Variants in ECI2 observed in about 807,000 individuals in gnomAD.
ECI2 encodes D3,D2-enoyl-CoA isomerase.
In ECI2, 27 loss-of-function variants were observed where a neutral mutation model predicts 38.4. The ratio of observed to expected loss-of-function variants is 0.70; its 90% CI spans 0.52 to 0.97. ECI2 has a LOEUF of 0.97. Ranked by LOEUF, ECI2 falls within the 50% of genes least tolerant of loss-of-function variation. ECI2 has a pLI of 0.00. For missense variants in ECI2, 470 were observed against 474.4 expected, an observed-to-expected ratio of 0.99 and a Z score of 0.09; for synonymous variants, 168 against 172.0, an observed-to-expected ratio of 0.98 and a Z score of 0.18.
chr6:4,127,967 C>T (rs1341177843), intron 4 of ECI2, 136 bp from the exon 5 acceptor site: 4 of 738,210 alleles, frequency 5.4e-6, no homozygotes, highest in African/African-American at 3.6e-5. Flanking sequence ...ATTTTATAAC[C>T]AAAAAGGTGG....
intron 7 of ECI2, among the ~76,000 whole-genome samples, chr6:4,122,845 G>A (rs569614280): frequency 6.6e-6 from 1 of 152,308 alleles, no homozygotes; most frequent in East Asian, 1.9e-4. Flanking sequence ...ATATGTGTGT[G>A]TGTATGCGTA....
chr6:4,125,116 G>C, intron 7 of ECI2, 134 bp downstream of exon 7: 1 of 1,438,900 alleles, frequency 6.9e-7, no homozygotes, highest in Non-Finnish European at 9.4e-7. Flanking sequence ...AATGCTTTGG[G>C]AAAAATCTAA....
chr6:4,127,959 T>A, intron 4 of ECI2, 128 bp from the exon 5 acceptor site: 2 of 805,172 alleles, frequency 2.5e-6, no homozygotes, highest in Non-Finnish European at 3.7e-6. Flanking sequence ...TTGGTTGTAT[T>A]TTATAACCAA....
Position 4,133,728 on chromosome 6 carries a change from T to G in ECI2, c.51-17A>C. 1 of 1,581,012 alleles carries G rather than the reference T, an allele frequency of 6.3e-7. No individual in the cohort carries two copies. The highest frequency in any genetic ancestry group is 8.6e-7 in the Non-Finnish European group (1 of 1,164,994). On this transcript the variant is annotated splice_polypyrimidine_tract_variant and intron_variant, in intron 1 of 9. Coordinates refer to ENST00000380118, the MANE Select transcript of ECI2 (RefSeq NM_206836.3). ...TGCAGAGAACTACAATTAGGCAGAC[T>G]GATTTCTATTTGTTCCCAACCCTCA...
At chr6:4,122,297 T>G (rs1331282977) in intron 7 of ECI2, among the ~76,000 whole-genome samples, 1 of 151,704 alleles carries the variant, frequency 6.6e-6, no homozygotes, top group Non-Finnish European at 1.5e-5. Flanking sequence ...CTCAACTCGC[T>G]GCAACCTCCG....
At chr6:4,125,024 C>T (rs756022446) in intron 7 of ECI2, 8 of 692,890 alleles carry the variant, frequency 1.2e-5, no homozygotes, top group African/African-American at 3.5e-5. Context: ...GATTAGAATC[C>T]GGAACAGTCA....
chr6:4,123,208 G>A (rs1772920774), intron 7 of ECI2, among the ~76,000 whole-genome samples: 2 of 151,102 alleles, frequency 1.3e-5, no homozygotes, highest in South Asian at 2.1e-4. Flanking sequence ...ACAGAGTCTC[G>A]CTCTGTCACC....
chr6:4,133,491 T>C (rs948568194), intron 2 of ECI2, 58 bp downstream of exon 2: 2 of 1,549,028 alleles, frequency 1.3e-6, no homozygotes, highest in Admixed American at 2.0e-5. Flanking sequence ...ACAGTGTATT[T>C]ATTTAAGAAG....
chr6:4,132,914 G>A lies in ECI2; in HGVS notation c.213+635C>T, dbSNP rs995122712. Reference sequence around the variant, plus strand: ...CAAGTAGCTGGGATTACAGGTGTGCGCCACCAGTCCAGCTCATTTTTGAGT... The same window carrying A: ...CAAGTAGCTGGGATTACAGGTGTGCACCACCAGTCCAGCTCATTTTTGAGT... On this transcript the variant is annotated intron_variant, in intron 2 of 9. Transcript: ENST00000380118. Among the ~76,000 whole-genome samples the A allele has an allele frequency of 2.8e-4, 42 of 152,146 alleles. No homozygotes were observed. In the East Asian group the frequency reaches 5.8e-3, roughly 21 times the overall value.
At position 4,135,514 on chromosome 6, in the gene ECI2, G is replaced by C. The variant is rs764091223; in HGVS notation, c.47C>G (p.Pro16Arg). Residue 16 changes from proline (P) to arginine (R), a missense_variant, in exon 1 of 10, where the codon CCG becomes CGG. By Grantham distance (103) the Pro-to-Arg change is moderately radical. Coordinates refer to ENST00000380118, the MANE Select transcript of ECI2 (RefSeq NM_206836.3). ...LAWRLARRSC[P>R]SSLQVTSFPV... is the part of the protein sequence containing the mutation. Reference sequence around the variant, plus strand: ...ACGGCCGGGACTCCAAGCTTACCTCGGACACGAACGCCGCGCCAGTCTCCA... The same window carrying C: ...ACGGCCGGGACTCCAAGCTTACCTCCGACACGAACGCCGCGCCAGTCTCCA... 14 of 1,611,786 alleles carry C rather than the reference G, an allele frequency of 8.7e-6. No homozygotes were observed. Among genetic ancestry groups the C allele is most frequent in the Non-Finnish European group, 1.1e-5 (13 of 1,179,504 alleles).
At chr6:4,123,200 A>G (rs541744669) in intron 7 of ECI2, among the ~76,000 whole-genome samples, 28 of 152,048 alleles carry the variant, frequency 1.8e-4, no homozygotes, top group South Asian at 4.2e-4. Flanking sequence ...TTTTTGAGAC[A>G]GAGTCTCGCT....
chr6:4,122,243 C>T (rs964225387), intron 7 of ECI2, among the ~76,000 whole-genome samples: 2 of 145,478 alleles, frequency 1.4e-5, no homozygotes, highest in East Asian at 2.0e-4. Flanking sequence ...TTTTTTGAGA[C>T]GGAGTCTTGC....
intron 7 of ECI2, among the ~76,000 whole-genome samples, chr6:4,122,862 T>C (rs1276187063): frequency 1.3e-5 from 2 of 152,202 alleles, no homozygotes; most frequent in Non-Finnish European, 2.9e-5. Flanking sequence ...CGTATATTTA[T>C]AATATACATA....
chr6:4,119,152 AT>A (rs1561649009), intron 8 of ECI2, 33 bp downstream of exon 8: 2 of 1,547,684 alleles, frequency 1.3e-6, no homozygotes, highest in Non-Finnish European at 1.8e-6. Context: ...GAGATGACTC[AT>A]AAAATTTTAT....
chr6:4,122,843 G>A (rs140939858), intron 7 of ECI2, among the ~76,000 whole-genome samples: 2 of 152,312 alleles, frequency 1.3e-5, no homozygotes, highest in East Asian at 3.9e-4. Context: ...GAATATGTGT[G>A]TGTGTATGCG....
chr6:4,124,239 T>C (rs1045099933), intron 7 of ECI2, among the ~76,000 whole-genome samples: 2 of 152,262 alleles, frequency 1.3e-5, no homozygotes, highest in Admixed American at 1.3e-4. Context: ...GAATCTCATT[T>C]GCTAATTTTG....
intron 7 of ECI2, 41 bp downstream of exon 7, chr6:4,125,209 C>T (rs376441298): frequency 8.7e-6 from 14 of 1,607,414 alleles, no homozygotes; most frequent in East Asian, 2.2e-5. Flanking sequence ...TCTCATCTCG[C>T]GCTGCTTGCC....
In ECI2 at chr6:4,115,758, T is replaced by C; in HGVS notation, c.*116A>G. 7.2e-7 allele frequency: 1 copy of C among 1,380,666 alleles called. No individual in the cohort carries two copies. Among genetic ancestry groups the C allele is most frequent in the East Asian group, 2.3e-5 (1 of 43,104 alleles). The allele number at this position is 1,380,666 out of a possible 1,614,324, so 85.5% of individuals were successfully genotyped here. A position where few individuals can be genotyped will look rare whatever the true frequency, so the allele number is the denominator to read the frequency against. ...GAGCTGTAGTGAAATATCATCATTG[T>C]AATTGATATTCTAGCACTACAAAAG... is the stretch of plus-strand genomic sequence containing the variant. On this transcript the variant is annotated 3_prime_UTR_variant, in exon 10 of 10. Coordinates refer to ENST00000380118, the MANE Select transcript of ECI2 (RefSeq NM_206836.3).
intron 9 of ECI2, among the ~76,000 whole-genome samples, chr6:4,116,883 G>C (rs777346519): frequency 6.6e-6 from 1 of 152,226 alleles, no homozygotes; most frequent in African/African-American, 2.4e-5. Context: ...AGCTGCTCAA[G>C]CTTCTGGCTC....
Sources: gnomAD v4.1 joint callset for allele counts (sites outside exome capture counted in the v4.1 genomes callset) on GRCh38, gnomAD v4.1.1 for gene constraint, MANE v1.5 for transcripts, NCBI Gene and HGNC (gene_info 2026-07-23, HGNC 2026-07-21) for gene names.